Variants in AOPEP observed in about 807,000 individuals in gnomAD.
The protein encoded by AOPEP is aminopeptidase O (putative).
In AOPEP, 77 loss-of-function variants were observed where a neutral mutation model predicts 98.1. The observed-to-expected ratio is 0.78, with a 90% CI of 0.65 to 0.95. The LOEUF is 0.95. Ranked by LOEUF, AOPEP falls within the 40% of genes least tolerant of loss-of-function variation. The pLI, the probability that AOPEP is intolerant of heterozygous loss-of-function variation, is 0.00. For missense variants in AOPEP, 1,024 were observed against 1,024.7 expected (o/e 1.00, Z 0.01); for synonymous variants, 346 against 365.3 (o/e 0.95, Z 0.60).
intron 5 of AOPEP, among the ~76,000 whole-genome samples, chr9:94,880,826 C>G: frequency 6.6e-6 from 1 of 152,174 alleles, no homozygotes; most frequent in East Asian, 1.9e-4. Context: ...TCTATTAACT[C>G]ATTTTGGGCA....
intron 3 of AOPEP, among the ~76,000 whole-genome samples, chr9:94,775,982 A>G (rs1313201621): frequency 7.1e-6 from 1 of 140,700 alleles, no homozygotes; most frequent in Non-Finnish European, 1.5e-5. Context: ...CCATCTCAAA[A>G]ATAAATAAAT....
chr9:95,113,293 C>T, the AOPEP span, among the ~76,000 whole-genome samples: 58 of 152,220 alleles, frequency 3.8e-4, 1 homozygote, highest in Admixed American at 1.3e-3. Context: ...TGTGTCAACT[C>T]GGTGTGAGAC....
intron 5 of AOPEP, among the ~76,000 whole-genome samples, chr9:94,888,937 A>C (rs1239476145): frequency 6.6e-6 from 1 of 152,158 alleles, no homozygotes; most frequent in Non-Finnish European, 1.5e-5. Flanking sequence ...CCACCACCAC[A>C]TGACTGTGGT....
chr9:94,922,293 C>G (rs543686462), intron 5 of AOPEP, among the ~76,000 whole-genome samples: 2 of 152,204 alleles, frequency 1.3e-5, no homozygotes, highest in African/African-American at 2.4e-5. Context: ...GTCATCCACT[C>G]GTGGAAGCTT....
At chr9:95,050,449 C>A (rs2066244426) in intron 13 of AOPEP, among the ~76,000 whole-genome samples, 1 of 152,184 alleles carries the variant, frequency 6.6e-6, no homozygotes, top group South Asian at 2.1e-4. Context: ...GAATCCAAAA[C>A]TGCAGAATTT....
intron 5 of AOPEP, among the ~76,000 whole-genome samples, chr9:94,864,910 T>G (rs1177582633): frequency 6.6e-6 from 1 of 152,198 alleles, no homozygotes; most frequent in African/African-American, 2.4e-5. Context: ...GGCTTTGATT[T>G]GATGTACTTT....
the AOPEP span, chr9:95,111,177 G>A: frequency 6.5e-7 from 1 of 1,535,920 alleles, no homozygotes; most frequent in Non-Finnish European, 8.7e-7. Context: ...GGCAGATATG[G>A]CAGCTGAGCA....
In AOPEP at chr9:94,844,047, A is replaced by G. The variant is rs955359649; in HGVS notation, c.1364+43045A>G. Among the ~76,000 whole-genome samples the G allele has an allele frequency of 3.3e-4, 50 of 151,860 alleles. 1 individual carries two copies. The highest frequency in any genetic ancestry group is 1.2e-3 in the African/African-American group (48 of 41,328). On this transcript the variant is annotated intron_variant, in intron 5 of 16. Coordinates refer to ENST00000375315, the MANE Select transcript of AOPEP (RefSeq NM_001193329.3). ...ATATCATTTATTTTCTTAAAGGAGG[A>G]TATTTATTAGTTTTGTTCTGTTTTT...
intron 5 of AOPEP, among the ~76,000 whole-genome samples, chr9:94,820,575 CT>C (rs1852846938): frequency 6.6e-6 from 1 of 152,144 alleles, no homozygotes; most frequent in South Asian, 2.1e-4. Context: ...GGATCTTTGA[CT>C]TTTTCCAAAA....
chr9:94,847,154 T>A (rs78571221), intron 5 of AOPEP, among the ~76,000 whole-genome samples: 4,456 of 25,402 alleles, frequency 0.18, 229 homozygotes, highest in African/African-American at 0.33. Context: ...ACACACACAC[T>A]CTCTCTGTCT....
At chr9:95,031,064 A>G (rs946096551) in intron 13 of AOPEP, among the ~76,000 whole-genome samples, 4 of 152,168 alleles carry the variant, frequency 2.6e-5, no homozygotes, top group Non-Finnish European at 5.9e-5. Context: ...CTTCTCTGCT[A>G]GGCTTGATCC....
chr9:95,086,224 C>T, intron 16 of AOPEP: 1 of 1,273,108 alleles, frequency 7.9e-7, no homozygotes, highest in Admixed American at 2.4e-5. Flanking sequence ...TGCCAGTCAT[C>T]TGCATGTGCT....
At chr9:94,932,092 A>G (rs1213556486) in intron 7 of AOPEP, 4 of 1,064,906 alleles carry the variant, frequency 3.8e-6, no homozygotes, top group African/African-American at 1.7e-5. Context: ...TCCCTATACC[A>G]TATTCCTGTC....
At chr9:95,063,931 AT>A (rs757682571) in intron 14 of AOPEP, among the ~76,000 whole-genome samples, 1 of 146,144 alleles carries the variant, frequency 6.8e-6, no homozygotes, top group African/African-American at 2.5e-5. Flanking sequence ...AAAAAAAAAA[AT>A]CTCAACTTAG....
intron 10 of AOPEP, among the ~76,000 whole-genome samples, chr9:94,976,553 C>A (rs189225358): frequency 1.3e-5 from 2 of 152,110 alleles, no homozygotes; most frequent in Admixed American, 6.5e-5. Flanking sequence ...CCCTTTTGAT[C>A]GTCACTATTG....
chr9:95,033,978 A>G (rs1256306437), intron 13 of AOPEP, among the ~76,000 whole-genome samples: 1 of 152,124 alleles, frequency 6.6e-6, no homozygotes, highest in Non-Finnish European at 1.5e-5. Context: ...AATCTTATAT[A>G]TTGTTTTCTC....
At chr9:94,986,965 G>GCTTAGAA (rs149055461) in intron 11 of AOPEP, among the ~76,000 whole-genome samples, 7,105 of 152,254 alleles carry the variant, frequency 0.047, 455 homozygotes, top group African/African-American at 0.14. Flanking sequence ...AGAGCTTAGA[G>GCTTAGAA]CTTAGGCTTC....
At chr9:95,051,766 C>CA (rs1481315061) in intron 13 of AOPEP, among the ~76,000 whole-genome samples, 1 of 151,196 alleles carries the variant, frequency 6.6e-6, no homozygotes, top group Non-Finnish European at 1.5e-5. Flanking sequence ...TGCAGTGGCA[C>CA]AATCTTGGCT....
intron 9 of AOPEP, among the ~76,000 whole-genome samples, chr9:94,957,665 C>T (rs1320744200): frequency 6.6e-6 from 1 of 152,176 alleles, no homozygotes; most frequent in Non-Finnish European, 1.5e-5. Context: ...AATTTTAGTA[C>T]ATATTCACCA....
Sources: allele counts gnomAD v4.1 joint callset (sites outside exome capture counted in the v4.1 genomes callset), GRCh38; gene constraint gnomAD v4.1.1; transcripts MANE v1.5; gene names NCBI Gene and HGNC (gene_info 2026-07-23, HGNC 2026-07-21).